The following REDIC1 variants were observed in gnomAD, a reference collection of about 807,000 sequenced individuals.
REDIC1 encodes HEI10 Interacting Protein 1.
chr12:39,906,425 T>C, the REDIC1 span, among the ~76,000 whole-genome samples: 1 of 152,104 alleles, frequency 6.6e-6, no homozygotes, highest in Non-Finnish European at 1.5e-5. Context: ...ACAATAGATA[T>C]GAAAGTCACT....
chr12:39,738,870 T>A, the REDIC1 span, among the ~76,000 whole-genome samples: 21 of 152,100 alleles, frequency 1.4e-4, no homozygotes, highest in Admixed American at 1.4e-3. Flanking sequence ...AATATTTCAG[T>A]GTATGTCTTA....
the REDIC1 span, among the ~76,000 whole-genome samples, chr12:39,750,678 T>A: frequency 6.6e-5 from 10 of 152,114 alleles, no homozygotes; most frequent in Non-Finnish European, 7.3e-5. Context: ...AAGGCTACAG[T>A]AACTAAAACA....
chr12:39,714,087 A>G, the REDIC1 span, among the ~76,000 whole-genome samples: 8 of 149,876 alleles, frequency 5.3e-5, 1 homozygote, highest in African/African-American at 9.8e-5. Flanking sequence ...ATATACACAT[A>G]TATGTACATG....
At chr12:39,685,017 C>A in the REDIC1 span, 1 of 873,074 alleles carries the variant, frequency 1.1e-6, no homozygotes, top group Non-Finnish European at 1.7e-6. Flanking sequence ...TTGATTTAAG[C>A]TTAACATTTA....
the REDIC1 span, among the ~76,000 whole-genome samples, chr12:39,698,788 C>A: frequency 1.3e-5 from 2 of 152,096 alleles, no homozygotes; most frequent in African/African-American, 4.8e-5. Context: ...TTCCTTGAAA[C>A]AAATGATAAT....
At chr12:39,745,216 G>A in the REDIC1 span, among the ~76,000 whole-genome samples, 2 of 152,164 alleles carry the variant, frequency 1.3e-5, no homozygotes. Flanking sequence ...CCAGTTGTCA[G>A]TATGTCAGTG....
the REDIC1 span, among the ~76,000 whole-genome samples, chr12:39,805,646 C>T: frequency 1.1e-4 from 16 of 152,134 alleles, no homozygotes; most frequent in Admixed American, 2.6e-4. Flanking sequence ...CTGCTGACAG[C>T]GCTCCTTAAA....
the REDIC1 span, among the ~76,000 whole-genome samples, chr12:39,843,104 T>A: frequency 6.6e-6 from 1 of 152,044 alleles, no homozygotes; most frequent in Non-Finnish European, 1.5e-5. Context: ...TTTGAGTAGA[T>A]ACGTGCTTTC....
the REDIC1 span, among the ~76,000 whole-genome samples, chr12:39,783,527 C>A: frequency 2.0e-5 from 3 of 152,308 alleles, no homozygotes; most frequent in African/African-American, 7.2e-5. Flanking sequence ...TCCTCTCCAG[C>A]ACCTGTTGTT....
the REDIC1 span, among the ~76,000 whole-genome samples, chr12:39,704,202 A>G: frequency 6.6e-6 from 1 of 152,100 alleles, no homozygotes. Context: ...TCCAGAATCT[A>G]CAATGAACTC....
At chr12:39,721,399 T>C in the REDIC1 span, 16 of 645,406 alleles carry the variant, frequency 2.5e-5, no homozygotes, top group Middle Eastern at 4.2e-4. Flanking sequence ...TCACGGTTCA[T>C]GTTAAAACAT....
At chr12:39,753,640 C>A in the REDIC1 span, among the ~76,000 whole-genome samples, 90 of 152,300 alleles carry the variant, frequency 5.9e-4, no homozygotes, top group Admixed American at 1.3e-3. Flanking sequence ...TAGTTGTTCT[C>A]AGGAAAGGAT....
chr12:39,761,908 A>G, the REDIC1 span, among the ~76,000 whole-genome samples: 4 of 152,088 alleles, frequency 2.6e-5, no homozygotes, highest in East Asian at 3.9e-4. Context: ...GAACAGTAGC[A>G]TAATTAGAAG....
chr12:39,833,686 T>C, the REDIC1 span, among the ~76,000 whole-genome samples: 1 of 152,094 alleles, frequency 6.6e-6, no homozygotes, highest in Non-Finnish European at 1.5e-5. Flanking sequence ...ATACTCACTG[T>C]TGCCAGGAAA....
At chr12:39,849,359 A>G in the REDIC1 span, among the ~76,000 whole-genome samples, 1 of 152,106 alleles carries the variant, frequency 6.6e-6, no homozygotes, top group Non-Finnish European at 1.5e-5. Flanking sequence ...AAGGTGACCT[A>G]AAAGTCTCAG....
chr12:39,833,326 C>T, the REDIC1 span, among the ~76,000 whole-genome samples: 3 of 152,038 alleles, frequency 2.0e-5, no homozygotes, highest in Admixed American at 1.3e-4. Flanking sequence ...ATATAGATCC[C>T]CTGTGGAGAT....
chr12:39,640,877 TC>T, the REDIC1 span: 1 of 970,208 alleles, frequency 1.0e-6, no homozygotes, highest in Non-Finnish European at 1.6e-6. Flanking sequence ...CTCTAAATCT[TC>T]AATTAAGCTA....
the REDIC1 span, among the ~76,000 whole-genome samples, chr12:39,892,516 A>T: frequency 6.6e-6 from 1 of 151,842 alleles, no homozygotes; most frequent in African/African-American, 2.4e-5. Flanking sequence ...TAGTCAAAAG[A>T]TTTTTTTTTA....
chr12:39,829,410 T>TTTTTTTTTG, the REDIC1 span: 1 of 103,078 alleles, frequency 9.7e-6, no homozygotes, highest in Non-Finnish European at 1.8e-5. Flanking sequence ...TTTTTTTTTT[T>TTTTTTTTTG]TTTTTCTTTT....
Sources: gnomAD v4.1 joint callset for allele counts (sites outside exome capture counted in the v4.1 genomes callset) on GRCh38, gnomAD v4.1.1 for gene constraint, MANE v1.5 for transcripts, NCBI Gene and HGNC (gene_info 2026-07-23, HGNC 2026-07-21) for gene names.